TMTC1: variants seen among roughly 807,000 people sequenced by gnomAD.
The protein encoded by TMTC1 is protein O-mannosyl-transferase TMTC1.
TMTC1 carries 73 observed loss-of-function variants against 104.8 expected under a neutral mutation model. That is an observed-to-expected ratio of 0.70 (90% CI 0.58 to 0.85). The LOEUF (loss-of-function observed/expected upper bound fraction) is 0.85, where lower values mean the gene tolerates loss of function less well. Among genes scored for constraint, TMTC1 ranks in the 40% least tolerant of loss-of-function variants. The probability of loss-of-function intolerance (pLI) is 0.00; values close to 1 mark genes in which losing one functional copy is unlikely to be tolerated. For missense variants in TMTC1, 1,035 were observed against 1,096.1 expected, an observed-to-expected ratio of 0.94 and a Z score of 0.79; for synonymous variants, 434 against 428.7, an observed-to-expected ratio of 1.01 and a Z score of -0.15.
rs1225245105 is a variant in TMTC1, at chr12:29,501,305, A to T, written c.*5541T>A. On this transcript the variant is annotated 3_prime_UTR_variant, in exon 18 of 18. Coordinates refer to ENST00000539277, the MANE Select transcript of TMTC1 (RefSeq NM_001193451.2). Reference sequence around the variant, plus strand: ...AGTCACTTTTAGGGTTGTATCATTTAAAAAAGGGGCAACATTTATGAATTA... The same window carrying T: ...AGTCACTTTTAGGGTTGTATCATTTTAAAAAGGGGCAACATTTATGAATTA... 1 of 152,232 alleles carries T rather than the reference A, an allele frequency of 6.6e-6. No individual in the cohort carries two copies. The highest frequency in any genetic ancestry group is 1.5e-5 in the Non-Finnish European group (1 of 68,044). 9.4% of individuals were successfully genotyped at this position (152,232 alleles called of 1,614,324 possible).
intron 5 of TMTC1, among the ~76,000 whole-genome samples, chr12:29,655,911 A>C (rs908975982): frequency 1.3e-5 from 2 of 152,200 alleles, no homozygotes; most frequent in Non-Finnish European, 2.9e-5. Flanking sequence ...ACCTACTTTA[A>C]AATAAGAAAC....
intron 9 of TMTC1, among the ~76,000 whole-genome samples, chr12:29,570,810 C>T (rs969501270): frequency 1.5e-5 from 2 of 136,506 alleles, no homozygotes; most frequent in Admixed American, 1.6e-4. Flanking sequence ...TGCCACTGCA[C>T]TCCAGCCTGG....
rs555137550 is a variant in TMTC1, at chr12:29,572,848, T to C, written c.1419-630A>G. Reference sequence around the variant, plus strand: ...AGACTTGATGAAATACCCTAAGTGATCTCTGAGTGAACAATAAAGAACCAG... The same window carrying C: ...AGACTTGATGAAATACCCTAAGTGACCTCTGAGTGAACAATAAAGAACCAG... On this transcript the variant is annotated intron_variant, in intron 8 of 17. Coordinates refer to ENST00000539277, the MANE Select transcript of TMTC1 (RefSeq NM_001193451.2). 2.2e-4 allele frequency among the ~76,000 whole-genome samples: 33 copies of C among 152,248 alleles called. 1 individual carries two copies.
chr12:29,755,568 CCTT>C, intron 4 of TMTC1, 138 bp downstream of exon 4: 1 of 671,378 alleles, frequency 1.5e-6, no homozygotes, highest in African/African-American at 1.8e-5. Flanking sequence ...ATGAAATAAG[CCTT>C]GTTGATTACG....
chr12:29,729,209 C>T (rs1295469926), intron 5 of TMTC1, among the ~76,000 whole-genome samples: 3 of 151,258 alleles, frequency 2.0e-5, no homozygotes, highest in Admixed American at 6.6e-5. Context: ...TTCTTGTGAG[C>T]GTTCTCAATA....
At chr12:29,726,422 A>G (rs1199921234) in intron 5 of TMTC1, among the ~76,000 whole-genome samples, 1 of 152,150 alleles carries the variant, frequency 6.6e-6, no homozygotes, top group Non-Finnish European at 1.5e-5. Flanking sequence ...CCATCTCCCA[A>G]TCTTAATATA....
intron 10 of TMTC1, among the ~76,000 whole-genome samples, chr12:29,550,042 TCTTTCCAAG>T (rs981383916): frequency 3.9e-5 from 6 of 152,082 alleles, no homozygotes; most frequent in African/African-American, 1.4e-4. Flanking sequence ...TGGTTTTGGG[TCTTTCCAAG>T]CTCAATCCTA....
chr12:29,513,040 CT>C (rs1333394998), intron 16 of TMTC1, among the ~76,000 whole-genome samples: 1 of 152,090 alleles, frequency 6.6e-6, no homozygotes, highest in Non-Finnish European at 1.5e-5. Flanking sequence ...CTTCAAAAAG[CT>C]GCTAAAATAA....
intron 7 of TMTC1, among the ~76,000 whole-genome samples, chr12:29,602,860 A>G (rs920300854): frequency 4.6e-5 from 7 of 152,218 alleles, no homozygotes; most frequent in African/African-American, 1.4e-4. Flanking sequence ...CATTTATGGC[A>G]GAGGGGCTCT....
chr12:29,509,927 C>A (rs188476882), intron 17 of TMTC1, among the ~76,000 whole-genome samples: 1 of 152,152 alleles, frequency 6.6e-6, no homozygotes, highest in South Asian at 2.1e-4. Flanking sequence ...TATTTCCAGA[C>A]TTCTTGGACA....
At chr12:29,709,760 A>G (rs1941847817) in intron 5 of TMTC1, among the ~76,000 whole-genome samples, 2 of 152,190 alleles carry the variant, frequency 1.3e-5, no homozygotes, top group Admixed American at 1.3e-4. Flanking sequence ...AAATGTGTTT[A>G]AAATTTGTTT....
intron 5 of TMTC1, among the ~76,000 whole-genome samples, chr12:29,721,456 T>C (rs1169193134): frequency 6.6e-6 from 1 of 152,110 alleles, no homozygotes; most frequent in Non-Finnish European, 1.5e-5. Flanking sequence ...TAAACTCTAA[T>C]ACAAAGACTA....
At chr12:29,664,186 CAAAAAAATAAAAATAAAAAAT>C (rs1244286837) in intron 5 of TMTC1, among the ~76,000 whole-genome samples, 13 of 127,106 alleles carry the variant, frequency 1.0e-4, no homozygotes, top group Middle Eastern at 4.0e-3. Flanking sequence ...GACTCCGTCT[CAAAAAAATAAAAATAAAAAAT>C]AAAAAAATAA....
intron 11 of TMTC1, among the ~76,000 whole-genome samples, chr12:29,529,060 A>T (rs1043306134): frequency 2.0e-5 from 3 of 152,172 alleles, no homozygotes; most frequent in Admixed American, 1.3e-4. Flanking sequence ...TATAAAGAAA[A>T]TCTGGCCTCA....
chr12:29,511,859 G>A (rs1387778086), intron 17 of TMTC1, among the ~76,000 whole-genome samples, 184 bp downstream of exon 17: 2 of 152,096 alleles, frequency 1.3e-5, no homozygotes, highest in Non-Finnish European at 2.9e-5. Flanking sequence ...AGGATATTCA[G>A]TATCTAGATA....
At chr12:29,523,403 T>C (rs556004795) in intron 11 of TMTC1, among the ~76,000 whole-genome samples, 2 of 152,210 alleles carry the variant, frequency 1.3e-5, no homozygotes, top group Non-Finnish European at 2.9e-5. Flanking sequence ...TTGTCTCACT[T>C]GAACATAGTT....
At chr12:29,687,912 C>A (rs1041053718) in intron 5 of TMTC1, among the ~76,000 whole-genome samples, 1 of 152,172 alleles carries the variant, frequency 6.6e-6, no homozygotes, top group Non-Finnish European at 1.5e-5. Context: ...ACCCTTACAA[C>A]TTCACTTAAC....
intron 1 of TMTC1, among the ~76,000 whole-genome samples, chr12:29,780,422 A>T (rs1354238054): frequency 6.6e-6 from 1 of 152,248 alleles, no homozygotes; most frequent in Non-Finnish European, 1.5e-5. Context: ...GATTCCATTT[A>T]TACAACAGTA....
At position 29,708,541 on chromosome 12, in the gene TMTC1, G is replaced by GTATTTTACTTTAAA. The variant is rs1941813758; in HGVS notation, c.938+43124_938+43125insTTTAAAGTAAAATA. Among the ~76,000 whole-genome samples, 12 of 152,186 alleles carry GTATTTTACTTTAAA rather than the reference G, an allele frequency of 7.9e-5. No homozygotes were observed. In the South Asian group the frequency reaches 2.5e-3, roughly 32 times the overall value. On this transcript the variant is annotated intron_variant, in intron 5 of 17. Coordinates refer to ENST00000539277, the MANE Select transcript of TMTC1 (RefSeq NM_001193451.2). ...ACAATGGAATTCTCTAAAGCCCATT[G>GTATTTTACTTTAAA]ACTCCCAGTTTTAAAGTATTTTACC...
Sources: gnomAD v4.1 joint callset for allele counts (sites outside exome capture counted in the v4.1 genomes callset) on GRCh38, gnomAD v4.1.1 for gene constraint, MANE v1.5 for transcripts, NCBI Gene and HGNC (gene_info 2026-07-23, HGNC 2026-07-21) for gene names.